The following CHRNG variants were observed in gnomAD, a reference collection of about 807,000 sequenced individuals.
The protein encoded by CHRNG is cholinergic receptor nicotinic gamma subunit.
Under a neutral mutation model 65.2 loss-of-function variants are expected in CHRNG, and 72 were observed. The observed-to-expected ratio is 1.10, with a 90% CI of 0.91 to 1.34. The LOEUF (loss-of-function observed/expected upper bound fraction) is 1.34. CHRNG is among the 40% of genes most tolerant of loss of function. The probability of loss-of-function intolerance (pLI) is 0.00; values close to 1 mark genes in which losing one functional copy is unlikely to be tolerated. For missense variants in CHRNG, 637 were observed against 680.1 expected, an observed-to-expected ratio of 0.94 and a Z score of 0.70; for synonymous variants, 284 against 290.2, an observed-to-expected ratio of 0.98 and a Z score of 0.22.
At position 232,547,481 on chromosome 2, in the gene CHRNG, G is replaced by A. The variant is rs997259173; in HGVS notation, c.*1765G>A. ...TGAAAGTGCCACATAAAGGCCTGAC[G>A]ACAGGATATGCTGGCAGGAGGGGAC... On this transcript the variant is annotated 3_prime_UTR_variant, in exon 12 of 12. Transcript: ENST00000651502. Among the ~76,000 whole-genome samples the A allele has an allele frequency of 1.3e-5, 2 of 152,294 alleles. No individual in the cohort carries two copies. The highest frequency in any genetic ancestry group is 6.5e-5 in the Admixed American group (1 of 15,306).
chr2:232,539,981 G>C lies in CHRNG; in HGVS notation c.56-11G>C. 1 of 1,614,146 alleles carries C rather than the reference G, an allele frequency of 6.2e-7. No homozygotes were observed. On this transcript the variant is annotated splice_polypyrimidine_tract_variant and intron_variant, in intron 1 of 11. Transcript: ENST00000651502. ...CCAAGCTCCTGCTAGGCTCACGCCT[G>C]TCTATTGCAGGGGCCCAGGGCCGGA...
chr2:232,542,699 T>C (rs1336044101), intron 6 of CHRNG, among the ~76,000 whole-genome samples, 179 bp downstream of exon 6: 1 of 152,016 alleles, frequency 6.6e-6, no homozygotes, highest in Non-Finnish European at 1.5e-5. Flanking sequence ...CTCATGATAA[T>C]GTCTCCAATT....
intron 11 of CHRNG, among the ~76,000 whole-genome samples, 171 bp from the exon 12 acceptor site, chr2:232,545,372 A>C (rs1692107162): frequency 6.6e-6 from 1 of 151,386 alleles, no homozygotes; most frequent in Non-Finnish European, 1.5e-5. Context: ...CAGGGGGGGC[A>C]CCTCAGGGCC....
Position 232,546,881 on chromosome 2 carries a change from G to T in CHRNG, c.*1165G>T, listed in dbSNP as rs999237165. ...AAGGAAGAGCTAGGCAAGAGGAGGTGTGGAGTTAACAGAGAGCCACTGAGC... is the reference window on the plus strand; with the variant it reads ...AAGGAAGAGCTAGGCAAGAGGAGGTTTGGAGTTAACAGAGAGCCACTGAGC... On this transcript the variant is annotated 3_prime_UTR_variant, in exon 12 of 12. Coordinates refer to ENST00000651502, the MANE Select transcript of CHRNG (RefSeq NM_005199.5). Among the ~76,000 whole-genome samples the T allele has an allele frequency of 1.3e-5, 2 of 152,168 alleles. No individual in the cohort carries two copies. The highest frequency in any genetic ancestry group is 1.3e-4 in the Admixed American group (2 of 15,288).
At position 232,545,561 on chromosome 2, in the gene CHRNG, C is replaced by T. The variant is rs771657153; in HGVS notation, c.1399C>T (p.Leu467=). ...CCCTCAGGGGAATGAGGAGTGGTTCCTGGTGGGCCGAGTGCTGGACCGCGT... is the reference window on the plus strand; with the variant it reads ...CCCTCAGGGGAATGAGGAGTGGTTCTTGGTGGGCCGAGTGCTGGACCGCGT... ...HFDNGNEEWF[L]VGRVLDRVCF... The change falls in exon 12 of 12, where the codon CTG becomes TTG. Residue 467 remains leucine (L), a synonymous_variant. Transcript: ENST00000651502. The T allele has an allele frequency of 6.2e-7, 1 of 1,613,964 alleles. No individual in the cohort carries two copies. The highest frequency in any genetic ancestry group is 1.1e-5 in the South Asian group (1 of 91,068).
Position 232,541,325 on chromosome 2 carries a change from C to T in CHRNG, c.351-49C>T, listed in dbSNP as rs749149480. ...AGGGGCTGGTCTGGGGCTGGGGTGT[C>T]GGGGGCTGAGCCCACAGCCTCGTGG... On this transcript the variant is annotated intron_variant, in intron 4 of 11. Coordinates refer to ENST00000651502, the MANE Select transcript of CHRNG (RefSeq NM_005199.5). The surrounding 1 kb of genome is among the most constrained non-coding windows in gnomAD (Gnocchi z 4.0). 2.9e-5 allele frequency: 47 copies of T among 1,611,236 alleles called. No individual in the cohort carries two copies. Among genetic ancestry groups the T allele is most frequent in the African/African-American group, 8.1e-5 (6 of 74,418 alleles).
rs1253847579 is a variant in CHRNG at position 232,547,785 on chromosome 2, G to A, written c.*2069G>A. Among the ~76,000 whole-genome samples, 1 of 152,212 alleles carries A rather than the reference G, an allele frequency of 6.6e-6. No homozygotes were observed. Among genetic ancestry groups the A allele is most frequent in the African/African-American group, 2.4e-5 (1 of 41,460 alleles). On this transcript the variant is annotated 3_prime_UTR_variant, in exon 12 of 12. Coordinates refer to ENST00000651502, the MANE Select transcript of CHRNG (RefSeq NM_005199.5). ...CACAAGTCTCTCAACCTCTCTGAAAGCCTCAGAGGGCAGAGGATTAGCTCC... is the reference window on the plus strand; with the variant it reads ...CACAAGTCTCTCAACCTCTCTGAAAACCTCAGAGGGCAGAGGATTAGCTCC...
At chr2:232,543,547 G>A (rs766146721) in intron 8 of CHRNG, 38 bp from the exon 9 acceptor site, 3 of 1,404,014 alleles carry the variant, frequency 2.1e-6, no homozygotes, top group Non-Finnish European at 3.0e-6. Flanking sequence ...TGGCATCATG[G>A]TATGGGCTGC....
At position 232,545,535 on chromosome 2, in the gene CHRNG, A is replaced by G; in HGVS notation, c.1381-8A>G. 6.2e-7 allele frequency: 1 copy of G among 1,613,018 alleles called. No individual in the cohort carries two copies. ...GCTGGTTATCCCACACCTGCCTCCC[A>G]CCCTCAGGGGAATGAGGAGTGGTTC... On this transcript the variant is annotated splice_polypyrimidine_tract_variant and splice_region_variant and intron_variant, in intron 11 of 11. Coordinates refer to ENST00000651502, the MANE Select transcript of CHRNG (RefSeq NM_005199.5).
Position 232,545,258 on chromosome 2 carries a change from G to A in CHRNG, c.1381-285G>A, listed in dbSNP as rs546475471. Among the ~76,000 whole-genome samples the A allele has an allele frequency of 5.6e-4, 85 of 151,396 alleles. 1 individual carries two copies. Among genetic ancestry groups the A allele is most frequent in the African/African-American group, 2.0e-3 (82 of 41,236 alleles). ...GGAGGCGGAGGTTGCAGTGAGCCAA[G>A]CCAAGATCGCACCACTGCACTCTGG... On this transcript the variant is annotated intron_variant, in intron 11 of 11. Transcript: ENST00000651502.
intron 9 of CHRNG, 81 bp from the exon 10 acceptor site, chr2:232,544,286 C>G (rs1692078695): frequency 9.5e-7 from 1 of 1,050,798 alleles, no homozygotes; most frequent in African/African-American, 1.6e-5. Flanking sequence ...TGGTCCCTAG[C>G]AGCACAAGCC....
intron 11 of CHRNG, among the ~76,000 whole-genome samples, chr2:232,545,207 T>C (rs1423706362): frequency 6.6e-6 from 1 of 151,554 alleles, no homozygotes; most frequent in African/African-American, 2.4e-5. Flanking sequence ...CTCAGGAGGC[T>C]GAGGCAGGAG....
rs1691974181 is a variant in CHRNG at position 232,539,761 on chromosome 2, A to G, written c.14A>G (p.Gln5Arg). The G allele has an allele frequency of 6.2e-7, 1 of 1,613,810 alleles. No individual in the cohort carries two copies. The highest frequency in any genetic ancestry group is 1.7e-5 in the Admixed American group (1 of 60,006). ...AGCTGAGGCACCATGCATGGGGGCC[A>G]GGGGCCGCTGCTCCTCCTGCTGCTG... is the stretch of plus-strand genomic sequence containing the variant. MHGG[Q>R]GPLLLLLLLA... is the part of the protein sequence containing the mutation. The change falls in exon 1 of 12, where the codon CAG becomes CGG. Residue 5 changes from glutamine to arginine, a missense_variant. Gln to Arg is a conservative substitution (Grantham distance 43). Transcript: ENST00000651502.
chr2:232,543,655 T>C lies in CHRNG; in HGVS notation c.991T>C (p.Leu331=), dbSNP rs772992979. 13 of 1,613,926 alleles carry C rather than the reference T, an allele frequency of 8.1e-6. No individual in the cohort carries two copies. In the South Asian group the frequency reaches 1.3e-4, roughly 16 times the overall value. ...TGCTGTGGTTGTGCTCAATGTCTCC[T>C]TGCGGTCTCCACACACACACTCCAT... ...VNAVVVLNVS[L]RSPHTHSMAR... is the part of the protein sequence containing the mutation. The change falls in exon 9 of 12, where the codon TTG becomes CTG. Residue 331 remains leucine, a synonymous_variant. Transcript: ENST00000651502.
In CHRNG at chr2:232,540,167, C is replaced by T. The variant is rs113658634; in HGVS notation, c.195+36C>T. The stretch of plus-strand genomic sequence containing the variant: ...GGACGGAGGAGGGGTCAGCGCACCA[C>T]GCCCTGGGACCTGCTGGGGATAGCA... On this transcript the variant is annotated intron_variant, in intron 2 of 11. Transcript: ENST00000651502. This position sits in a 1 kb window ranked among gnomAD's most constrained non-coding sequence, Gnocchi z 4.2. The T allele has an allele frequency of 2.5e-3, 4,019 of 1,614,076 alleles. 10 individuals carry two copies. Among genetic ancestry groups the T allele is most frequent in the Non-Finnish European group, 2.7e-3 (3,162 of 1,179,968 alleles).
rs770417849 is a variant in CHRNG at position 232,545,762 on chromosome 2, A to C, written c.*46A>C. On this transcript the variant is annotated 3_prime_UTR_variant, in exon 12 of 12. Coordinates refer to ENST00000651502, the MANE Select transcript of CHRNG (RefSeq NM_005199.5). ...CATGTGGGAGTCACACACGTGGGTC[A>C]CACTGAGTCTTATCAGCCACGTTCT... 1.7e-5 allele frequency: 27 copies of C among 1,599,716 alleles called. No homozygotes were observed. Among genetic ancestry groups the C allele is most frequent in the Non-Finnish European group, 2.2e-5 (26 of 1,167,738 alleles).
rs749656922 is a variant in CHRNG, at chr2:232,543,560, GCTCCTGCC to G, written c.921-23_921-16del. On this transcript the variant is annotated splice_polypyrimidine_tract_variant and intron_variant, in intron 8 of 11. Coordinates refer to ENST00000651502, the MANE Select transcript of CHRNG (RefSeq NM_005199.5). ...GGTGGCATCATGGTATGGGCTGCCA[GCTCCTGCC>G]CACCCCACCCTGACAGGTACCTGAC... The G allele has an allele frequency of 7.3e-5, 109 of 1,488,862 alleles. No individual in the cohort carries two copies. Among genetic ancestry groups the G allele is most frequent in the Non-Finnish European group, 9.8e-5 (105 of 1,066,788 alleles). 92.2% of individuals were successfully genotyped at this position (1,488,862 alleles called of 1,614,324 possible).
intron 8 of CHRNG, 94 bp downstream of exon 8, chr2:232,543,483 C>T (rs986243101): frequency 8.5e-7 from 1 of 1,178,364 alleles, no homozygotes; most frequent in Non-Finnish European, 1.2e-6. Context: ...TCCATCCACC[C>T]CCCCCATCCT....
rs370687934 is a variant in CHRNG at position 232,543,709 on chromosome 2, C to T, written c.1035+10C>T. On this transcript the variant is annotated intron_variant, in intron 9 of 11. Transcript: ENST00000651502. ...CCGAGGGGTCCGCAAGGCAAGGACC[C>T]TCCCTGCCCACTTCAACATCCCGCT... The T allele has an allele frequency of 1.3e-6, 2 of 1,526,306 alleles. No homozygotes were observed. The highest frequency in any genetic ancestry group is 2.2e-5 in the East Asian group (1 of 44,450). The allele number at this position is 1,526,306 out of a possible 1,614,324, so 94.5% of individuals were successfully genotyped here.
Sources: gnomAD v4.1 joint callset for allele counts (sites outside exome capture counted in the v4.1 genomes callset) on GRCh38, gnomAD v4.1.1 for gene constraint, Gnocchi (gnomAD v3.1) non-coding constraint, MANE v1.5 for transcripts, NCBI Gene and HGNC (gene_info 2026-07-23, HGNC 2026-07-21) for gene names.